ZFYVE1: variants seen among roughly 807,000 people sequenced by gnomAD.
The protein encoded by ZFYVE1 is zinc finger FYVE-type containing 1, also known as zinc finger FYVE domain-containing protein 1.
ZFYVE1 carries 30 observed loss-of-function variants against 74.4 expected under a neutral mutation model. That is an observed-to-expected ratio of 0.40 (90% CI 0.30 to 0.55). ZFYVE1 has a LOEUF of 0.55. ZFYVE1 is among the 20% of genes least tolerant of loss of function. The pLI, the probability that ZFYVE1 is intolerant of heterozygous loss-of-function variation, is 0.42. For missense variants in ZFYVE1, 703 were observed against 1,011.6 expected, an observed-to-expected ratio of 0.69 and a Z score of 4.14; for synonymous variants, 335 against 385.1, an observed-to-expected ratio of 0.87 and a Z score of 1.52.
chr14:72,970,057 G>T lies in ZFYVE1; in HGVS notation c.*825C>A. 1 of 350,564 alleles carries T rather than the reference G, an allele frequency of 2.9e-6. No individual in the cohort carries two copies. Among genetic ancestry groups the T allele is most frequent in the Admixed American group, 4.5e-5 (1 of 22,134 alleles). 21.7% of individuals were successfully genotyped at this position (350,564 alleles called of 1,614,324 possible). A position where few individuals can be genotyped will look rare whatever the true frequency, so the allele number is the denominator to read the frequency against. ...GGTGGGAGGCAGATGCTTCGATTGA[G>T]GAGCTGGGTGCCGCCTTTTGGGAAA... On this transcript the variant is annotated 3_prime_UTR_variant, in exon 12 of 12. Coordinates refer to ENST00000556143, the MANE Select transcript of ZFYVE1 (RefSeq NM_021260.4).
At position 72,981,863 on chromosome 14, in the gene ZFYVE1, G is replaced by C; in HGVS notation, c.1236C>G (p.Pro412=). The C allele has an allele frequency of 2.5e-6, 4 of 1,614,048 alleles. No homozygotes were observed. Among genetic ancestry groups the C allele is most frequent in the South Asian group, 1.1e-5 (1 of 91,080 alleles). ...AGGAGCTGTGCGCCATCTGGTCATCGGGGATCTCACCGCTGAAGCGGTCAC... is the reference window on the plus strand; with the variant it reads ...AGGAGCTGTGCGCCATCTGGTCATCCGGGATCTCACCGCTGAAGCGGTCAC... ...ALSDRFSGEI[P]DDQMAHSSFF... The change falls in exon 5 of 12, where the codon CCC becomes CCG. Residue 412 remains proline (P), a synonymous_variant. Transcript: ENST00000556143.
chr14:72,988,464 T>C (rs1277746539), intron 4 of ZFYVE1, among the ~76,000 whole-genome samples: 1 of 150,338 alleles, frequency 6.7e-6, no homozygotes, highest in East Asian at 2.0e-4. Context: ...CGTGAGCCAC[T>C]GCACCTGGCC....
chr14:73,012,046 T>C (rs1894102334), intron 2 of ZFYVE1, among the ~76,000 whole-genome samples: 1 of 151,384 alleles, frequency 6.6e-6, no homozygotes, highest in African/African-American at 2.4e-5. Context: ...CAAGACCCCA[T>C]CTCTATTAAA....
intron 4 of ZFYVE1, 131 bp from the exon 5 acceptor site, chr14:72,982,026 C>T (rs1323455641): frequency 2.2e-5 from 16 of 711,600 alleles, no homozygotes; most frequent in Non-Finnish European, 3.6e-5. Flanking sequence ...TTACCCTTGA[C>T]CTTCCTGACC....
At position 73,006,808 on chromosome 14, in the gene ZFYVE1, C is replaced by T. The variant is rs1893991271; in HGVS notation, c.484-8493G>A. 2.0e-5 allele frequency among the ~76,000 whole-genome samples: 3 copies of T among 148,208 alleles called. No individual in the cohort carries two copies. In the Admixed American group the frequency reaches 2.1e-4, roughly 10 times the overall value. ...TTGGGTTACTGCAACCTCTGCTTCC[C>T]TGGTTCAAGCGATTATCCTGCCTCA... On this transcript the variant is annotated intron_variant, in intron 2 of 11. Coordinates refer to ENST00000556143, the MANE Select transcript of ZFYVE1 (RefSeq NM_021260.4).
chr14:72,980,852 G>A (rs750648881), intron 5 of ZFYVE1, among the ~76,000 whole-genome samples: 7 of 152,110 alleles, frequency 4.6e-5, no homozygotes, highest in Non-Finnish European at 1.0e-4. Context: ...CACCGTGCCC[G>A]GCCGAGAATT....
At chr14:73,010,616 A>G (rs1253273949) in intron 2 of ZFYVE1, among the ~76,000 whole-genome samples, 1 of 151,388 alleles carries the variant, frequency 6.6e-6, no homozygotes, top group African/African-American at 2.4e-5. Flanking sequence ...AAAAAATGCA[A>G]AAAATTAGCC....
rs1398333862 is a variant in ZFYVE1, at chr14:72,970,495, C to T, written c.*387G>A. The T allele has an allele frequency of 2.4e-5, 5 of 205,302 alleles. No homozygotes were observed. The East Asian group carries it at 4.7e-4, about 19-fold the overall frequency. 12.7% of individuals were successfully genotyped at this position (205,302 alleles called of 1,614,324 possible). A position where few individuals can be genotyped will look rare whatever the true frequency, so the allele number is the denominator to read the frequency against. Reference sequence around the variant, plus strand: ...GACCTGGCTCGGCTCATGAGGAAGACGTGCTGCCACTGCCACCTCACCCTG... The same window carrying T: ...GACCTGGCTCGGCTCATGAGGAAGATGTGCTGCCACTGCCACCTCACCCTG... On this transcript the variant is annotated 3_prime_UTR_variant, in exon 12 of 12. Coordinates refer to ENST00000556143, the MANE Select transcript of ZFYVE1 (RefSeq NM_021260.4).
intron 4 of ZFYVE1, among the ~76,000 whole-genome samples, chr14:72,989,625 A>T (rs1233130179): frequency 2.0e-5 from 3 of 152,166 alleles, no homozygotes; most frequent in African/African-American, 4.8e-5. Context: ...GGAACCTTTT[A>T]AAATGGTCCC....
In ZFYVE1 at chr14:73,019,979, G is replaced by A. The variant is rs116022227; in HGVS notation, c.483+4047C>T. Among the ~76,000 whole-genome samples the A allele has an allele frequency of 5.5e-3, 775 of 139,994 alleles. 4 individuals are homozygous for A. Among genetic ancestry groups the A allele is most frequent in the African/African-American group, 0.02 (751 of 37,626 alleles). The allele number at this position is 139,994 out of a possible 152,430, so 91.8% of individuals were successfully genotyped here. A position where few individuals can be genotyped will look rare whatever the true frequency, so the allele number is the denominator to read the frequency against. On this transcript the variant is annotated intron_variant, in intron 2 of 11. Coordinates refer to ENST00000556143, the MANE Select transcript of ZFYVE1 (RefSeq NM_021260.4). Reference sequence around the variant, plus strand: ...AAAAAAGAAAAAGAAAATTTATGTCGGGCGCAGTGGCTCACATCTGTAATC... The same window carrying A: ...AAAAAAGAAAAAGAAAATTTATGTCAGGCGCAGTGGCTCACATCTGTAATC...
chr14:72,973,913 T>C (rs2140341301), intron 11 of ZFYVE1, among the ~76,000 whole-genome samples, 167 bp downstream of exon 11: 1 of 152,304 alleles, frequency 6.6e-6, no homozygotes, highest in Non-Finnish European at 1.5e-5. Context: ...AACATGAAAC[T>C]ACTAAGGCAT....
intron 4 of ZFYVE1, among the ~76,000 whole-genome samples, chr14:72,987,490 C>G (rs1186590668): frequency 6.6e-6 from 1 of 152,026 alleles, no homozygotes; most frequent in East Asian, 1.9e-4. Flanking sequence ...ATGGCTTGGG[C>G]CCAGGAGGCA....
intron 2 of ZFYVE1, among the ~76,000 whole-genome samples, chr14:73,007,851 G>T (rs1001901418): frequency 6.6e-6 from 1 of 152,140 alleles, no homozygotes; most frequent in Non-Finnish European, 1.5e-5. Context: ...ATCCTAAAGG[G>T]TATGTATACC....
At chr14:72,976,127 CTT>C (rs1233983872) in intron 8 of ZFYVE1, among the ~76,000 whole-genome samples, 2 of 152,108 alleles carry the variant, frequency 1.3e-5, no homozygotes, top group Non-Finnish European at 2.9e-5. Context: ...GACAATAACT[CTT>C]TGTCATTTTT....
At chr14:72,981,988 A>AGT in intron 4 of ZFYVE1, 93 bp from the exon 5 acceptor site, 1 of 1,049,180 alleles carries the variant, frequency 9.5e-7, no homozygotes, top group Non-Finnish European at 1.5e-6. Flanking sequence ...CAACACAGGC[A>AGT]CAGAAGAAAT....
At chr14:73,014,134 TTAAAG>T (rs139381972) in intron 2 of ZFYVE1, among the ~76,000 whole-genome samples, 3,082 of 152,290 alleles carry the variant, frequency 0.02, 45 homozygotes, top group Non-Finnish European at 0.03. Context: ...TGAAGGTGTC[TTAAAG>T]TAGTTAAAGA....
At chr14:73,005,073 G>A (rs1425363238) in intron 2 of ZFYVE1, among the ~76,000 whole-genome samples, 1 of 151,614 alleles carries the variant, frequency 6.6e-6, no homozygotes, top group African/African-American at 2.4e-5. Flanking sequence ...GGAAAATGCT[G>A]GCACACTGAA....
At chr14:72,990,156 A>G (rs1214220401) in intron 4 of ZFYVE1, among the ~76,000 whole-genome samples, 2 of 152,238 alleles carry the variant, frequency 1.3e-5, no homozygotes, top group African/African-American at 4.8e-5. Context: ...GATGTTTAAA[A>G]CAAAAAAGTA....
chr14:73,015,499 C>A (rs1312283231), intron 2 of ZFYVE1, among the ~76,000 whole-genome samples: 1 of 152,004 alleles, frequency 6.6e-6, no homozygotes, highest in African/African-American at 2.4e-5. Context: ...TCATGCAATT[C>A]TCCTGCCTCA....
Sources: allele counts gnomAD v4.1 joint callset (sites outside exome capture counted in the v4.1 genomes callset), GRCh38; gene constraint gnomAD v4.1.1; transcripts MANE v1.5; gene names NCBI Gene and HGNC (gene_info 2026-07-23, HGNC 2026-07-21).